MACROD2: variants seen among roughly 807,000 people sequenced by gnomAD.
MACROD2 encodes the protein mono-ADP ribosylhydrolase 2, also known as ADP-ribose glycohydrolase MACROD2.
A neutral mutation model predicts 70.4 loss-of-function variants in MACROD2; 36 were observed. The ratio of observed to expected loss-of-function variants is 0.51; its 90% CI spans 0.39 to 0.68. The LOEUF is 0.68. Among genes scored for constraint, MACROD2 ranks in the 30% least tolerant of loss-of-function variants. MACROD2 has a pLI of 0.00. For synonymous variants in MACROD2, 172 were observed against 178.8 expected (o/e 0.96, Z 0.30); for missense variants, 496 against 538.4 (o/e 0.92, Z 0.78).
intron 5 of MACROD2, among the ~76,000 whole-genome samples, chr20:15,177,141 GGATC>G (rs1310026263): frequency 1.3e-5 from 2 of 152,194 alleles, no homozygotes; most frequent in Non-Finnish European, 2.9e-5. Flanking sequence ...GGTAGGTGTG[GGATC>G]CAGGACAGTA....
intron 5 of MACROD2, among the ~76,000 whole-genome samples, chr20:14,904,181 G>T (rs1033991973): frequency 6.6e-6 from 1 of 152,086 alleles, no homozygotes; most frequent in Non-Finnish European, 1.5e-5. Context: ...GATATAGTTA[G>T]TATGAATTTG....
At chr20:15,736,518 A>C (rs888008992) in intron 8 of MACROD2, among the ~76,000 whole-genome samples, 2 of 151,278 alleles carry the variant, frequency 1.3e-5, no homozygotes, top group African/African-American at 4.8e-5. Context: ...AGGACTACAC[A>C]TGTCACTTTA....
rs1347797151 is a variant in MACROD2, at chr20:16,051,371, T to C, written c.*1495T>C. 6.6e-6 allele frequency: 1 copy of C among 152,228 alleles called. No homozygotes were observed. The highest frequency in any genetic ancestry group is 2.4e-5 in the African/African-American group (1 of 41,464). The allele number at this position is 152,228 out of a possible 1,614,324, so 9.4% of individuals were successfully genotyped here. ...CACTTTTTTGATGGAAAATTCATCT[T>C]ATCTTCCTATGACTTTGGTTTTAGC... On this transcript the variant is annotated 3_prime_UTR_variant, in exon 18 of 18. Transcript: ENST00000684519.
chr20:14,988,840 T>A (rs559494035), intron 5 of MACROD2, among the ~76,000 whole-genome samples: 1 of 152,302 alleles, frequency 6.6e-6, no homozygotes, highest in South Asian at 2.1e-4. Flanking sequence ...GTTTTATTTT[T>A]AAAAATTTAT....
chr20:14,291,576 TA>T (rs1389060741), intron 3 of MACROD2, among the ~76,000 whole-genome samples: 1 of 151,842 alleles, frequency 6.6e-6, no homozygotes, highest in Non-Finnish European at 1.5e-5. Context: ...GTATTTGCCA[TA>T]AAAAAGTTGA....
chr20:15,375,662 T>C (rs2045552194), intron 6 of MACROD2, among the ~76,000 whole-genome samples: 1 of 152,152 alleles, frequency 6.6e-6, no homozygotes. Context: ...TTTGTTTCTG[T>C]ATTTTGTTAA....
At chr20:15,171,455 T>A (rs2076421767) in intron 5 of MACROD2, among the ~76,000 whole-genome samples, 1 of 150,482 alleles carries the variant, frequency 6.6e-6, no homozygotes, top group African/African-American at 2.4e-5. Flanking sequence ...CCTTCCCCCA[T>A]CACTCTCCTT....
chr20:15,470,573 C>T (rs1266360579), intron 7 of MACROD2, among the ~76,000 whole-genome samples: 1 of 152,158 alleles, frequency 6.6e-6, no homozygotes, highest in Non-Finnish European at 1.5e-5. Flanking sequence ...GGGCCACTTT[C>T]TTGTCCTGCA....
At chr20:14,441,661 C>A (rs1040506809) in intron 3 of MACROD2, among the ~76,000 whole-genome samples, 4 of 152,108 alleles carry the variant, frequency 2.6e-5, no homozygotes, top group Non-Finnish European at 4.4e-5. Flanking sequence ...GTAGGAGCAT[C>A]AGAAATGACT....
intron 6 of MACROD2, among the ~76,000 whole-genome samples, chr20:15,257,058 T>C (rs971178298): frequency 1.3e-5 from 2 of 152,048 alleles, no homozygotes; most frequent in Non-Finnish European, 2.9e-5. Flanking sequence ...ATGACAAAGT[T>C]GCTTCTTTTC....
intron 5 of MACROD2, among the ~76,000 whole-genome samples, chr20:15,097,101 T>C (rs182101357): frequency 1.0e-3 from 157 of 152,276 alleles, no homozygotes; most frequent in African/African-American, 3.2e-3. Context: ...CATGAACCAC[T>C]GTGCCCGGTG....
chr20:15,586,562 G>A (rs952004140), intron 8 of MACROD2, among the ~76,000 whole-genome samples: 10 of 152,120 alleles, frequency 6.6e-5, no homozygotes, highest in Non-Finnish European at 1.0e-4. Flanking sequence ...ATAAAAGCCA[G>A]CCTCATGCTG....
intron 5 of MACROD2, among the ~76,000 whole-genome samples, chr20:15,192,879 T>G (rs1295053482): frequency 6.6e-6 from 1 of 152,232 alleles, no homozygotes; most frequent in Non-Finnish European, 1.5e-5. Context: ...TTTTAGATTT[T>G]TATAGTTTGC....
intron 5 of MACROD2, among the ~76,000 whole-genome samples, chr20:15,003,921 C>G (rs2075015582): frequency 1.3e-5 from 2 of 152,098 alleles, no homozygotes; most frequent in Admixed American, 6.5e-5. Context: ...ATGTCTGACA[C>G]CTGTGGTTCC....
intron 7 of MACROD2, among the ~76,000 whole-genome samples, chr20:15,448,271 C>A (rs148749443): frequency 6.6e-6 from 1 of 152,078 alleles, no homozygotes; most frequent in Admixed American, 6.5e-5. Context: ...TCCTAGCAGG[C>A]ATTTTCTCTG....
rs117949279 is a variant in MACROD2 at position 14,951,224 on chromosome 20, C to T, written c.418+266265C>T. Among the ~76,000 whole-genome samples the T allele has an allele frequency of 5.4e-3, 817 of 152,152 alleles. 6 individuals carry two copies. The highest frequency in any genetic ancestry group is 9.9e-3 in the Non-Finnish European group (673 of 67,980). ...AGAAGTTTGTGAGTAGGTATCAGAT[C>T]CCCATACATAACACTAGTGAAGCTG... On this transcript the variant is annotated intron_variant, in intron 5 of 17. Coordinates refer to ENST00000684519, the MANE Select transcript of MACROD2 (RefSeq NM_001351661.2).
Position 14,688,936 on chromosome 20 carries a change from A to G in MACROD2, c.418+3977A>G, listed in dbSNP as rs537125730. Among the ~76,000 whole-genome samples the G allele has an allele frequency of 3.9e-4, 60 of 152,342 alleles. No individual in the cohort carries two copies. In the Middle Eastern group the frequency reaches 0.01, roughly 26 times the overall value. ...AAACACTTTTGCCTCTACTTCTAATACTTTTCCTTCCGCAATTATTCTGCA... is the reference window on the plus strand; with the variant it reads ...AAACACTTTTGCCTCTACTTCTAATGCTTTTCCTTCCGCAATTATTCTGCA... On this transcript the variant is annotated intron_variant, in intron 5 of 17. Coordinates refer to ENST00000684519, the MANE Select transcript of MACROD2 (RefSeq NM_001351661.2).
intron 4 of MACROD2, among the ~76,000 whole-genome samples, chr20:14,520,601 G>A (rs898490872): frequency 6.7e-6 from 1 of 150,334 alleles, no homozygotes; most frequent in Admixed American, 6.6e-5. Context: ...ATAATCTTTC[G>A]CTCCTTGCTC....
Position 15,377,933 on chromosome 20 carries a change from G to A in MACROD2, c.541-53472G>A, listed in dbSNP as rs189934802. Among the ~76,000 whole-genome samples the A allele has an allele frequency of 1.2e-3, 188 of 152,088 alleles. 1 individual carries two copies. The highest frequency in any genetic ancestry group is 4.4e-3 in the African/African-American group (184 of 41,496). On this transcript the variant is annotated intron_variant, in intron 6 of 17. Coordinates refer to ENST00000684519, the MANE Select transcript of MACROD2 (RefSeq NM_001351661.2). ...TGCACGTTCTCACTTATAAGTGGGA[G>A]TTGAACAATGAGAACACATGGACAC...
Sources: allele counts gnomAD v4.1 joint callset (sites outside exome capture counted in the v4.1 genomes callset), GRCh38; gene constraint gnomAD v4.1.1; transcripts MANE v1.5; gene names NCBI Gene and HGNC (gene_info 2026-07-23, HGNC 2026-07-21).